Variants in TDO2 observed in about 807,000 individuals in gnomAD.
The protein encoded by TDO2 is tryptamin 2,3-dioxygenase.
Under a neutral mutation model 61.2 loss-of-function variants are expected in TDO2, and 63 were observed. That is an observed-to-expected ratio of 1.03 (90% CI 0.84 to 1.27). The LOEUF is 1.27. TDO2 is among the 50% of genes most tolerant of loss of function. TDO2 has a pLI of 0.00. For missense variants in TDO2, 494 were observed against 469.5 expected (o/e 1.05, Z -0.48); for synonymous variants, 183 against 164.0 (o/e 1.12, Z -0.89).
rs759523211 is a variant in TDO2 at position 155,907,776 on chromosome 4, T to C, written c.287T>C (p.Ile96Thr). The change falls in exon 4 of 12, where the codon ATC becomes ACC. Residue 96 changes from isoleucine to threonine, a missense_variant. By Grantham distance (89) the Ile-to-Thr change is moderately conservative. Transcript: ENST00000536354. ...TGGGAGTTGGATTCTGTTCGAGAGATCTTTCAGAATGGCCATGTAAGTTCT... is the reference window on the plus strand; with the variant it reads ...TGGGAGTTGGATTCTGTTCGAGAGACCTTTCAGAATGGCCATGTAAGTTCT... The part of the protein sequence containing the change: ...ILWELDSVRE[I>T]FQNGHVRDER... 3 of 1,613,252 alleles carry C rather than the reference T, an allele frequency of 1.9e-6. No homozygotes were observed. Among genetic ancestry groups the C allele is most frequent in the Non-Finnish European group, 1.7e-6 (2 of 1,179,498 alleles).
In TDO2 at chr4:155,919,855, T is replaced by G; in HGVS notation, c.1086T>G (p.Phe362Leu). The change falls in exon 12 of 12, where the codon TTT becomes TTG. Residue 362 changes from phenylalanine to leucine, a missense_variant. Phe to Leu is a conservative substitution (Grantham distance 22, BLOSUM62 0). Coordinates refer to ENST00000536354, the MANE Select transcript of TDO2 (RefSeq NM_005651.4). ...RSTVSDRYKV[F>L]VDLFNLSTYL... is the part of the protein sequence containing the mutation. ...TTTCCAGTGATAGGTACAAGGTATT[T>G]GTAGATTTATTTAATCTTTCAACAT... 6.2e-7 allele frequency: 1 copy of G among 1,613,382 alleles called. No individual in the cohort carries two copies.
chr4:155,919,772 C>A, intron 11 of TDO2, 65 bp from the exon 12 acceptor site: 4 of 1,387,070 alleles, frequency 2.9e-6, no homozygotes, highest in South Asian at 1.5e-5. Context: ...AATAAATTTT[C>A]TAATTGAAAA....
chr4:155,905,029 C>T, intron 2 of TDO2, 38 bp from the exon 3 acceptor site: 1 of 1,447,448 alleles, frequency 6.9e-7, no homozygotes. Flanking sequence ...AAACCAAGTT[C>T]TGCAATTTCA....
rs781480973 is a variant in TDO2, at chr4:155,904,033, A to T, written c.51A>T (p.Lys17Asn). The change falls in exon 2 of 12, where the codon AAA becomes AAT. Residue 17 changes from lysine to asparagine, a missense_variant. Physicochemically the swap from Lys to Asn is moderately conservative, Grantham distance 94. Coordinates refer to ENST00000536354, the MANE Select transcript of TDO2 (RefSeq NM_005651.4). ...AAATTTGCAGATATACTTTTAAAAA[A>T]CTCCCCGTAGAAGGCAGCGAAGAAG... ...LGNNFGYTFK[K>N]LPVEGSEEDK... 2.5e-6 allele frequency: 4 copies of T among 1,613,528 alleles called. No individual in the cohort carries two copies. The highest frequency in any genetic ancestry group is 3.4e-6 in the Non-Finnish European group (4 of 1,179,886).
chr4:155,911,719 C>A, intron 7 of TDO2, 115 bp downstream of exon 7: 2 of 676,872 alleles, frequency 3.0e-6, no homozygotes, highest in South Asian at 3.0e-5. Context: ...TTTTCTTAGA[C>A]AAATGTATTT....
rs1742717859 is a variant in TDO2 at position 155,906,289 on chromosome 4, T to A, written c.232+1132T>A. ...CATTATTTTATAAAAACACTTTTCT[T>A]CTATTCTTTAGTTATAACATGTAGG... On this transcript the variant is annotated intron_variant, in intron 3 of 11. Coordinates refer to ENST00000536354, the MANE Select transcript of TDO2 (RefSeq NM_005651.4). 3 of 152,310 alleles carry A rather than the reference T, an allele frequency of 2.0e-5. No individual in the cohort carries two copies. The South Asian group carries it at 6.2e-4, about 32-fold the overall frequency. The allele number at this position is 152,310 out of a possible 1,614,324, so 9.4% of individuals were successfully genotyped here.
intron 5 of TDO2, 130 bp downstream of exon 5, chr4:155,909,144 T>C: frequency 2.6e-6 from 2 of 779,216 alleles, no homozygotes; most frequent in East Asian, 3.2e-5. Flanking sequence ...TATATGGACT[T>C]AGGGGTCTTC....
Position 155,903,792 on chromosome 4 carries a change from G to C in TDO2, c.34G>C (p.Gly12Arg), listed in dbSNP as rs1438839967. The change falls in exon 1 of 12, where the codon GGA becomes CGA. Residue 12 changes from glycine (G) to arginine (R), a missense_variant and splice_region_variant. By Grantham distance (125) the Gly-to-Arg change is moderately radical (BLOSUM62 -2). Coordinates refer to ENST00000536354, the MANE Select transcript of TDO2 (RefSeq NM_005651.4). ...SGCPFLGNNFGYTFKKLPVEG... is the reference protein window; with the variant it reads ...SGCPFLGNNFRYTFKKLPVEG... ...GTGCCCATTTTTAGGAAACAACTTT[G>C]GGTGAGTATTTACCTTTATTCTAAG... is the stretch of plus-strand genomic sequence containing the variant. 6.2e-7 allele frequency: 1 copy of C among 1,614,094 alleles called. No homozygotes were observed. Among genetic ancestry groups the C allele is most frequent in the Admixed American group, 1.7e-5 (1 of 59,986 alleles).
intron 6 of TDO2, among the ~76,000 whole-genome samples, chr4:155,910,805 T>C (rs1341333756): frequency 6.6e-6 from 1 of 152,156 alleles, no homozygotes; most frequent in Non-Finnish European, 1.5e-5. Flanking sequence ...AATTATACTC[T>C]GCTCATTAAT....
chr4:155,912,003 A>C (rs1407178241), intron 7 of TDO2, among the ~76,000 whole-genome samples: 1 of 152,166 alleles, frequency 6.6e-6, no homozygotes, highest in Non-Finnish European at 1.5e-5. Context: ...AGACAATGTC[A>C]GTTTTCTCCT....
intron 7 of TDO2, among the ~76,000 whole-genome samples, chr4:155,912,622 A>AT (rs1287558914): frequency 6.6e-6 from 1 of 152,082 alleles, no homozygotes; most frequent in Non-Finnish European, 1.5e-5. Flanking sequence ...AGACCAATAA[A>AT]TGGTAGAGTT....
At chr4:155,909,568 T>C (rs1001735287) in intron 5 of TDO2, among the ~76,000 whole-genome samples, 2 of 152,142 alleles carry the variant, frequency 1.3e-5, no homozygotes, top group African/African-American at 4.8e-5. Context: ...TGTGGTGAAT[T>C]TAAAACGTTA....
rs370054091 is a variant in TDO2 at position 155,918,209 on chromosome 4, C to T, written c.1037C>T (p.Ser346Leu). 1.8e-5 allele frequency: 29 copies of T among 1,613,952 alleles called. No individual in the cohort carries two copies. The highest frequency in any genetic ancestry group is 5.0e-5 in the Admixed American group (3 of 60,000). Residue 346 changes from serine (S) to leucine (L), a missense_variant, in exon 11 of 12, where the codon TCA becomes TTA. Physicochemically the swap from Ser to Leu is moderately radical, Grantham distance 145. Transcript: ENST00000536354. ...LGSKAGTGGS[S>L]GYHYLRSTVS... ...AGCAAAGCTGGCACCGGTGGTTCCT[C>T]AGGCTATCACTACCTGCGATCAACT...
Position 155,903,842 on chromosome 4 carries a change from A to G in TDO2, c.35+49A>G, listed in dbSNP as rs143902515. ...GTGGGTTTTGGCTTTTAGAAGTATC[A>G]GGTGTGAGCATTTTAATTTCTGAAT... On this transcript the variant is annotated intron_variant, in intron 1 of 11. Coordinates refer to ENST00000536354, the MANE Select transcript of TDO2 (RefSeq NM_005651.4). The G allele has an allele frequency of 1.1e-3, 1,709 of 1,599,008 alleles. 14 individuals are homozygous for G. In the African/African-American group the frequency reaches 0.02, roughly 19 times the overall value.
At chr4:155,916,671 A>G (rs533733693) in intron 9 of TDO2, among the ~76,000 whole-genome samples, 1 of 152,248 alleles carries the variant, frequency 6.6e-6, no homozygotes, top group Non-Finnish European at 1.5e-5. Context: ...GTATTCCTGA[A>G]ATATTGACTC....
intron 11 of TDO2, chr4:155,918,773 C>T (rs939563255): frequency 6.6e-6 from 1 of 152,638 alleles, no homozygotes; most frequent in African/African-American, 2.4e-5. Context: ...AAGGGATGTA[C>T]ATTCTTATTT....
chr4:155,918,352 T>C (rs951797929), intron 11 of TDO2, 113 bp downstream of exon 11: 18 of 806,366 alleles, frequency 2.2e-5, no homozygotes, highest in Admixed American at 4.8e-5. Context: ...TCTGAACTAC[T>C]AACAACACGT....
At chr4:155,912,369 C>T (rs72681571) in intron 7 of TDO2, among the ~76,000 whole-genome samples, 9,236 of 152,162 alleles carry the variant, frequency 0.061, 394 homozygotes, top group South Asian at 0.15. Flanking sequence ...CTCAGCTAAT[C>T]CTGAGCTTAC....
rs1184925496 is a variant in TDO2 at position 155,918,282 on chromosome 4, A to G, written c.1067+43A>G. 3.8e-6 allele frequency: 6 copies of G among 1,589,268 alleles called. No homozygotes were observed. In the Admixed American group the frequency reaches 5.0e-5, roughly 13 times the overall value. ...CCTTTCTTCCTGGTGGCAGTCACCA[A>G]CAATTTGTTTCTCCACCTATACATT... On this transcript the variant is annotated intron_variant, in intron 11 of 11. Transcript: ENST00000536354.
Sources: gnomAD v4.1 joint callset for allele counts (sites outside exome capture counted in the v4.1 genomes callset) on GRCh38, gnomAD v4.1.1 for gene constraint, MANE v1.5 for transcripts, NCBI Gene and HGNC (gene_info 2026-07-23, HGNC 2026-07-21) for gene names.